The following MIAT variants were observed in gnomAD, a reference collection of about 807,000 sequenced individuals.
The protein encoded by MIAT is MI related novel mRNA.
At chr22:26,663,221 T>C (rs1930733194) in intron 2 of MIAT, 1 of 397,502 alleles carries the variant, frequency 2.5e-6, no homozygotes, top group Non-Finnish European at 4.4e-6. Context: ...TGGGAAACGC[T>C]GTGATTTGAA....
chr22:26,667,743 A>T (rs4822764), intron 5 of MIAT: 31,349 of 169,614 alleles, frequency 0.18, 3,449 homozygotes, highest in Non-Finnish European at 0.24. Context: ...CAGTGTTATG[A>T]TCACGGCTCA....
intron 2 of MIAT, among the ~76,000 whole-genome samples, chr22:26,656,708 T>A (rs939947396): frequency 1.3e-5 from 2 of 152,136 alleles, no homozygotes; most frequent in Admixed American, 1.3e-4. Context: ...ATCCCTACTC[T>A]AGAAAATAGT....
At chr22:26,648,289 C>T (rs933937105) in intron 2 of MIAT, among the ~76,000 whole-genome samples, 11 of 152,158 alleles carry the variant, frequency 7.2e-5, no homozygotes, top group Non-Finnish European at 1.0e-4. Flanking sequence ...CACTCTGCCC[C>T]GCTTCTCTGT....
chr22:26,673,574 A>G (rs1004763353), downstream of MIAT: 7 of 398,634 alleles, frequency 1.8e-5, no homozygotes, highest in Non-Finnish European at 3.1e-5. Flanking sequence ...TTTCTGACTA[A>G]CAACAGGTCT....
In MIAT at chr22:26,659,835, TCTTTC is replaced by T. The variant is rs796092998; in HGVS notation, n.647-3480_647-3476del. Among the ~76,000 whole-genome samples, 402 of 123,858 alleles carry T rather than the reference TCTTTC, an allele frequency of 3.2e-3. 5 individuals are homozygous for T. The highest frequency in any genetic ancestry group is 0.012 in the Middle Eastern group (3 of 244). The allele number at this position is 123,858 out of a possible 152,430, so 81.3% of individuals were successfully genotyped here. ...CTTTTTTTCTTTTTCTTTCTTTCTT[TCTTTC>T]TTTTTTTTTTTTTTGAAACAGAGCC... On this transcript the variant is annotated intron_variant and non_coding_transcript_variant, in intron 2 of 5. Coordinates refer to ENST00000643270, the Ensembl canonical transcript of MIAT.
At chr22:26,665,283 G>GAAAGAAAGAAAGAAAGAA (rs1555949241) in intron 3 of MIAT, among the ~76,000 whole-genome samples, 2 of 112,260 alleles carry the variant, frequency 1.8e-5, no homozygotes, top group Non-Finnish European at 4.0e-5. Context: ...AAGAAAGAAA[G>GAAAGAAAGAAAGAAAGAA]AAAGAAAAAC....
intron 2 of MIAT, among the ~76,000 whole-genome samples, chr22:26,653,097 C>T (rs1437609983): frequency 6.6e-6 from 1 of 152,140 alleles, no homozygotes; most frequent in Non-Finnish European, 1.5e-5. Flanking sequence ...GTCCAACCCT[C>T]CGTAGGGAAA....
chr22:26,669,069 T>C (rs906997575), exon 6 of MIAT: 15 of 398,528 alleles, frequency 3.8e-5, no homozygotes, highest in African/African-American at 2.7e-4. Flanking sequence ...CTGCTTCTAG[T>C]TGCACTGCTC....
chr22:26,673,955 A>T, downstream of MIAT: 1 of 398,676 alleles, frequency 2.5e-6, no homozygotes, highest in East Asian at 3.6e-5. Flanking sequence ...ATATAGCCTT[A>T]TAGCTACAGT....
At chr22:26,652,237 CCTGGACTCAAGCGAT>C (rs1930348866) in intron 2 of MIAT, among the ~76,000 whole-genome samples, 1 of 152,270 alleles carries the variant, frequency 6.6e-6, no homozygotes, top group East Asian at 1.9e-4. Context: ...GTCTTGAGTT[CCTGGACTCAAGCGAT>C]CTTCCCACCT....
exon 5 of MIAT, chr22:26,674,928 G>T: frequency 2.5e-6 from 1 of 398,866 alleles, no homozygotes; most frequent in East Asian, 3.6e-5. Flanking sequence ...TAGTGGGAGA[G>T]TTGGTGAAGT....
At chr22:26,675,853 T>C (rs1931242267) in exon 5 of MIAT, 3 of 398,550 alleles carry the variant, frequency 7.5e-6, no homozygotes, top group Admixed American at 4.4e-5. Context: ...GGGAAAAATA[T>C]GCCTTGGTGG....
At chr22:26,660,964 G>T (rs768545980) in intron 2 of MIAT, 2 of 152,188 alleles carry the variant, frequency 1.3e-5, no homozygotes, top group Non-Finnish European at 2.9e-5. Context: ...GTGCATGTTC[G>T]GTGCCCTGTA....
At chr22:26,658,546 G>C (rs972985101) in intron 2 of MIAT, among the ~76,000 whole-genome samples, 4 of 152,216 alleles carry the variant, frequency 2.6e-5, no homozygotes, top group African/African-American at 7.2e-5. Flanking sequence ...ACTCCCTGGA[G>C]AGGCTGGGGA....
intron 3 of MIAT, chr22:26,663,644 GT>G: frequency 2.7e-6 from 1 of 370,944 alleles, no homozygotes; most frequent in Non-Finnish European, 4.8e-6. Context: ...CTCACAACTG[GT>G]TCTTTGTGCG....
intron 5 of MIAT, chr22:26,667,357 T>TGTGTGTGTGTGTGTGC (rs1310013685): frequency 1.0e-5 from 4 of 394,638 alleles, no homozygotes; most frequent in African/African-American, 8.4e-5. Context: ...TGTGTGTGCG[T>TGTGTGTGTGTGTGTGC]GTGCACATGT....
intron 2 of MIAT, among the ~76,000 whole-genome samples, chr22:26,651,443 G>C (rs1004618223): frequency 6.6e-6 from 1 of 152,204 alleles, no homozygotes; most frequent in African/African-American, 2.4e-5. Context: ...GGGAACATGG[G>C]AGGGTGTATG....
chr22:26,651,980 C>T (rs746881343), intron 2 of MIAT, among the ~76,000 whole-genome samples: 2 of 152,186 alleles, frequency 1.3e-5, no homozygotes, highest in African/African-American at 2.4e-5. Context: ...ATGCGACTTC[C>T]CTTTCTTTTC....
chr22:26,672,770 C>T, downstream of MIAT: 2 of 398,792 alleles, frequency 5.0e-6, no homozygotes, highest in Non-Finnish European at 8.8e-6. Context: ...TTTCTTACAC[C>T]GGAAGTCAAT....
Sources: gnomAD v4.1 joint callset for allele counts (sites outside exome capture counted in the v4.1 genomes callset) on GRCh38, gnomAD v4.1.1 for gene constraint, MANE v1.5 for transcripts, NCBI Gene and HGNC (gene_info 2026-07-23, HGNC 2026-07-21) for gene names.